The following GABRG1 variants were observed in gnomAD, a reference collection of about 807,000 sequenced individuals.
The protein encoded by GABRG1 is gamma-aminobutyric acid type A receptor subunit gamma1.
Under a neutral mutation model 49.8 loss-of-function variants are expected in GABRG1, and 49 were observed. That is an observed-to-expected ratio of 0.98 (90% CI 0.78 to 1.25). The LOEUF (loss-of-function observed/expected upper bound fraction) is 1.25, where lower values mean the gene tolerates loss of function less well. Ranked by LOEUF, GABRG1 falls within the 50% of genes most tolerant of loss-of-function variation. The probability of loss-of-function intolerance (pLI) is 0.00; values close to 1 mark genes in which losing one functional copy is unlikely to be tolerated. For synonymous variants in GABRG1, 232 were observed against 185.1 expected, an observed-to-expected ratio of 1.25 and a Z score of -2.06; for missense variants, 552 against 552.3, an observed-to-expected ratio of 1.00 and a Z score of 0.01.
chr4:46,122,440 T>C (rs1383452499), intron 1 of GABRG1, among the ~76,000 whole-genome samples: 3 of 152,046 alleles, frequency 2.0e-5, no homozygotes, highest in Non-Finnish European at 2.9e-5. Context: ...ATTCAAAGAA[T>C]AAGCCATTAC....
intron 1 of GABRG1, among the ~76,000 whole-genome samples, chr4:46,113,691 C>T (rs1187547773): frequency 6.6e-6 from 1 of 151,000 alleles, no homozygotes; most frequent in Non-Finnish European, 1.5e-5. Flanking sequence ...TGTATTTCTC[C>T]CTCCTGAGTG....
chr4:46,118,095 CAT>C (rs1374131252), intron 1 of GABRG1, among the ~76,000 whole-genome samples: 1 of 131,990 alleles, frequency 7.6e-6, no homozygotes, highest in African/African-American at 3.2e-5. Flanking sequence ...CATATGTATA[CAT>C]ATGTGTGTAT....
chr4:46,098,682 C>T (rs1388112306), intron 1 of GABRG1, among the ~76,000 whole-genome samples: 6 of 151,698 alleles, frequency 4.0e-5, no homozygotes, highest in Admixed American at 1.3e-4. Flanking sequence ...AGAAATATTA[C>T]TGCTTTTGAT....
intron 7 of GABRG1, among the ~76,000 whole-genome samples, chr4:46,056,166 A>AT: frequency 2.8e-5 from 1 of 35,160 alleles, no homozygotes; most frequent in South Asian, 4.8e-4. Context: ...AAAAAAAAAA[A>AT]AAAAAAAAAA....
At chr4:46,121,630 G>T (rs28473643) in intron 1 of GABRG1, among the ~76,000 whole-genome samples, 1 of 151,782 alleles carries the variant, frequency 6.6e-6, no homozygotes, top group Non-Finnish European at 1.5e-5. Flanking sequence ...AGTATATGAT[G>T]CATCTTAAAG....
intron 1 of GABRG1, among the ~76,000 whole-genome samples, chr4:46,118,182 A>G (rs1720988993): frequency 6.9e-6 from 1 of 143,926 alleles, no homozygotes; most frequent in South Asian, 2.1e-4. Context: ...CTTATCCTCA[A>G]CCCCCTAACA....
chr4:46,080,877 A>G (rs746295561), intron 3 of GABRG1, among the ~76,000 whole-genome samples: 1 of 151,904 alleles, frequency 6.6e-6, no homozygotes, highest in Non-Finnish European at 1.5e-5. Flanking sequence ...ACTCCACTAA[A>G]GAAGAAATAT....
intron 2 of GABRG1, among the ~76,000 whole-genome samples, chr4:46,094,645 G>A (rs1226758346): frequency 6.6e-6 from 1 of 151,894 alleles, no homozygotes; most frequent in Non-Finnish European, 1.5e-5. Context: ...ATAGTGACAA[G>A]GAAAAGTCAA....
intron 2 of GABRG1, among the ~76,000 whole-genome samples, chr4:46,086,615 C>T (rs905552074): frequency 2.0e-5 from 3 of 151,606 alleles, no homozygotes; most frequent in African/African-American, 4.8e-5. Context: ...AATAGTCCCA[C>T]TTATTCAGAT....
intron 8 of GABRG1, among the ~76,000 whole-genome samples, chr4:46,042,626 C>A (rs1247606040): frequency 5.9e-5 from 9 of 151,940 alleles, no homozygotes; most frequent in Admixed American, 5.9e-4. Context: ...AACATTTTTA[C>A]AAATGTATAC....
rs576990284 is a variant in GABRG1, at chr4:46,118,849, G to A, written c.104+4961C>T. ...TTAATCTACCTCCTACAGAGCCTGA[G>A]AACGCACTAACAAGTTTCTGCTTAA... is the stretch of plus-strand genomic sequence containing the variant. On this transcript the variant is annotated intron_variant, in intron 1 of 8. Coordinates refer to ENST00000295452, the MANE Select transcript of GABRG1 (RefSeq NM_173536.4). 4.6e-5 allele frequency among the ~76,000 whole-genome samples: 7 copies of A among 151,308 alleles called. No individual in the cohort carries two copies. The South Asian group carries it at 1.0e-3, about 22-fold the overall frequency.
At chr4:46,088,163 T>G (rs1447642704) in intron 2 of GABRG1, among the ~76,000 whole-genome samples, 1 of 152,008 alleles carries the variant, frequency 6.6e-6, no homozygotes, top group Non-Finnish European at 1.5e-5. Flanking sequence ...TAAATTATTT[T>G]GAAAATTTCT....
At chr4:46,076,517 C>T (rs1719339874) in intron 3 of GABRG1, among the ~76,000 whole-genome samples, 1 of 150,850 alleles carries the variant, frequency 6.6e-6, no homozygotes, top group Non-Finnish European at 1.5e-5. Context: ...AATTAGGAAT[C>T]ATAAGAGTAT....
At chr4:46,086,569 TTTC>T (rs1236783265) in intron 2 of GABRG1, among the ~76,000 whole-genome samples, 1 of 151,582 alleles carries the variant, frequency 6.6e-6, no homozygotes, top group Non-Finnish European at 1.5e-5. Flanking sequence ...TTTATAGACT[TTTC>T]TTATTGTCAC....
chr4:46,097,580 GT>G (rs1200937798), intron 1 of GABRG1, among the ~76,000 whole-genome samples: 1 of 126,372 alleles, frequency 7.9e-6, no homozygotes, highest in African/African-American at 4.1e-5. Flanking sequence ...AAATAATAAA[GT>G]AAATTTTGAC....
intron 1 of GABRG1, among the ~76,000 whole-genome samples, chr4:46,117,612 C>CTCTATATA (rs1553884390): frequency 1.1e-4 from 16 of 140,146 alleles, no homozygotes; most frequent in African/African-American, 3.4e-4. Flanking sequence ...CTCTCTCTCT[C>CTCTATATA]TATATATATA....
intron 7 of GABRG1, among the ~76,000 whole-genome samples, chr4:46,053,404 G>A (rs1718311464): frequency 6.6e-6 from 1 of 150,916 alleles, no homozygotes; most frequent in Non-Finnish European, 1.5e-5. Flanking sequence ...ACTTTTTCTT[G>A]TAGTTCTAAC....
At chr4:46,123,079 C>A (rs1025904395) in intron 1 of GABRG1, among the ~76,000 whole-genome samples, 1 of 147,916 alleles carries the variant, frequency 6.8e-6, no homozygotes, top group African/African-American at 2.5e-5. Flanking sequence ...CTCTCTCTCT[C>A]TCTCTCTGTC....
At chr4:46,114,844 A>G (rs568403654) in intron 1 of GABRG1, among the ~76,000 whole-genome samples, 1 of 151,128 alleles carries the variant, frequency 6.6e-6, no homozygotes, top group South Asian at 2.1e-4. Context: ...ATAAAAACAG[A>G]AGAAAAAACC....
Sources: gnomAD v4.1 joint callset for allele counts (sites outside exome capture counted in the v4.1 genomes callset) on GRCh38, gnomAD v4.1.1 for gene constraint, MANE v1.5 for transcripts, NCBI Gene and HGNC (gene_info 2026-07-23, HGNC 2026-07-21) for gene names.